LNX2: variants seen among roughly 807,000 people sequenced by gnomAD.
LNX2 encodes ligand of numb-protein X 2.
In LNX2, 35 loss-of-function variants were observed where a neutral mutation model predicts 66.2. The observed-to-expected ratio is 0.53, with a 90% CI of 0.40 to 0.70. The LOEUF is 0.70. Ranked by LOEUF, LNX2 falls within the 30% of genes least tolerant of loss-of-function variation. LNX2 has a pLI of 0.00. For missense variants in LNX2, 791 were observed against 850.8 expected, an observed-to-expected ratio of 0.93 and a Z score of 0.87; for synonymous variants, 337 against 315.6, an observed-to-expected ratio of 1.07 and a Z score of -0.72.
At chr13:27,550,708 G>GACACAC (rs112963516) in intron 8 of LNX2, among the ~76,000 whole-genome samples, 5 of 151,384 alleles carry the variant, frequency 3.3e-5, no homozygotes, top group African/African-American at 1.2e-4. Flanking sequence ...CCCAAGTGAA[G>GACACAC]ACACACACAC....
At chr13:27,577,446 G>T (rs1375591033) in intron 2 of LNX2, among the ~76,000 whole-genome samples, 1 of 151,898 alleles carries the variant, frequency 6.6e-6, no homozygotes, top group Non-Finnish European at 1.5e-5. Flanking sequence ...ATCATCTAAA[G>T]CAGGGTTGTC....
intron 1 of LNX2, among the ~76,000 whole-genome samples, chr13:27,601,908 T>G (rs1020536789): frequency 1.3e-5 from 2 of 152,154 alleles, no homozygotes; most frequent in Non-Finnish European, 2.9e-5. Flanking sequence ...TTCAACATTT[T>G]CAGGGTAAAC....
chr13:27,553,910 A>T (rs1307167033), intron 7 of LNX2, among the ~76,000 whole-genome samples: 1 of 152,250 alleles, frequency 6.6e-6, no homozygotes, highest in Non-Finnish European at 1.5e-5. Flanking sequence ...CAGGGCAAAC[A>T]TCAGAATATG....
At chr13:27,566,214 G>C (rs1297819712) in intron 4 of LNX2, among the ~76,000 whole-genome samples, 1 of 152,178 alleles carries the variant, frequency 6.6e-6, no homozygotes, top group Non-Finnish European at 1.5e-5. Flanking sequence ...GAATCAGTAT[G>C]GGGGAGAATG....
At chr13:27,579,322 T>C (rs950012575) in intron 2 of LNX2, among the ~76,000 whole-genome samples, 2 of 152,238 alleles carry the variant, frequency 1.3e-5, no homozygotes, top group African/African-American at 4.8e-5. Flanking sequence ...TTTACATTTA[T>C]ATACTCAGTA....
chr13:27,559,867 T>G lies in LNX2; in HGVS notation c.1343A>C (p.Tyr448Ser), dbSNP rs1339510568. The change falls in exon 6 of 10, where the codon TAT becomes TCT. Residue 448 changes from tyrosine (Y) to serine (S), a missense_variant. By Grantham distance (144) the Tyr-to-Ser change is moderately radical. Transcript: ENST00000316334. ...SSSQHHTPPP[Y>S]YSRPSSHKDL... ...CTTATGTGAGCTTGGTCTGCTATAATACGGTGGTGGTGTGTGGTGCTGGCT... is the reference window on the plus strand; with the variant it reads ...CTTATGTGAGCTTGGTCTGCTATAAGACGGTGGTGGTGTGTGGTGCTGGCT... The G allele has an allele frequency of 1.2e-6, 2 of 1,606,516 alleles. No individual in the cohort carries two copies. Among genetic ancestry groups the G allele is most frequent in the Non-Finnish European group, 8.5e-7 (1 of 1,175,018 alleles).
chr13:27,583,232 G>GTCCTCTCCAATATAACTT (rs1566124787), intron 1 of LNX2, among the ~76,000 whole-genome samples: 50 of 23,152 alleles, frequency 2.2e-3, no homozygotes, highest in African/African-American at 3.6e-3. Context: ...GTGTGTGTGT[G>GTCCTCTCCAATATAACTT]TGTGTGTGTG....
At chr13:27,558,219 C>G (rs1955086887) in intron 6 of LNX2, among the ~76,000 whole-genome samples, 1 of 151,124 alleles carries the variant, frequency 6.6e-6, no homozygotes. Flanking sequence ...GAGACCTTTA[C>G]TTTTCTGTAT....
intron 4 of LNX2, among the ~76,000 whole-genome samples, chr13:27,564,985 T>C (rs1266902186): frequency 6.6e-6 from 1 of 152,198 alleles, no homozygotes; most frequent in African/African-American, 2.4e-5. Flanking sequence ...CCTTTGTGAA[T>C]TCATTAATCA....
Position 27,581,692 on chromosome 13 carries a change from TG to T in LNX2, c.11del (p.Thr4LysfsTer16). 6.3e-7 allele frequency: 1 copy of T among 1,599,356 alleles called. No homozygotes were observed. Among genetic ancestry groups the T allele is most frequent in the Non-Finnish European group, 8.5e-7 (1 of 1,172,904 alleles). MGTTSDEMVSVEQT... is the reference protein window; with the variant it reads MGTXSDEMVSVEQT... ...GTTCCACAGACACCATCTCATCACT[TG>T]TTGTTCCCATTTTGAATCAATTCTG... is the stretch of plus-strand genomic sequence containing the variant. On this transcript the variant is annotated frameshift_variant, in exon 2 of 10. Transcript: ENST00000316334. LOFTEE classifies it high-confidence loss of function.
At chr13:27,565,725 A>T (rs760093011) in intron 4 of LNX2, among the ~76,000 whole-genome samples, 54 of 152,200 alleles carry the variant, frequency 3.5e-4, no homozygotes, top group Non-Finnish European at 6.6e-4. Context: ...ACTGTTTGAA[A>T]GCTCAGTCTG....
intron 1 of LNX2, among the ~76,000 whole-genome samples, chr13:27,608,797 T>TTTTTGTTTTG (rs58647987): frequency 0.39 from 58,361 of 150,868 alleles, 12,377 homozygotes; most frequent in Admixed American, 0.49. Context: ...TTCTTTGAGT[T>TTTTTGTTTTG]TTTTGTTTTG....
chr13:27,550,353 A>C lies in LNX2; in HGVS notation c.1917T>G (p.Ala639=). 6.2e-7 allele frequency: 1 copy of C among 1,613,418 alleles called. No homozygotes were observed. Among genetic ancestry groups the C allele is most frequent in the Non-Finnish European group, 8.5e-7 (1 of 1,179,728 alleles). Residue 639 remains alanine, a synonymous_variant, in exon 9 of 10, where the codon GCT becomes GCG. Transcript: ENST00000316334. ...CTCACTTTAATCTTCCATCATAATA[A>C]GCAGGAGTTCCCAAGACAATAGTTT... The part of the protein sequence containing the change: ...FIKTIVLGTP[A]YYDGRLKCGD...
At chr13:27,583,080 T>C (rs934678320) in intron 1 of LNX2, among the ~76,000 whole-genome samples, 3 of 151,786 alleles carry the variant, frequency 2.0e-5, no homozygotes, top group Non-Finnish European at 4.4e-5. Context: ...CCTGCCAAAA[T>C]TCAATTAAAC....
At position 27,556,271 on chromosome 13, in the gene LNX2, T is replaced by C. The variant is rs1955059336; in HGVS notation, c.1511A>G (p.His504Arg). Residue 504 changes from histidine (H) to arginine (R), a missense_variant, in exon 7 of 10, where the codon CAT (histidine) becomes CGT (arginine). Physicochemically the swap from His to Arg is conservative, Grantham distance 29. Transcript: ENST00000316334. Reference protein sequence around the residue: ...LPIFVTSVPPHGCLARDGRIK... With the variant: ...LPIFVTSVPPRGCLARDGRIK... ...TCTGCCATCTCGTGCAAGGCAGCCA[T>C]GGGGTGGCACACTGGTCACAAAGAT... 3 of 1,614,026 alleles carry C rather than the reference T, an allele frequency of 1.9e-6. No homozygotes were observed. Among genetic ancestry groups the C allele is most frequent in the Non-Finnish European group, 1.7e-6 (2 of 1,179,954 alleles).
chr13:27,557,322 T>C (rs1955074435), intron 6 of LNX2, among the ~76,000 whole-genome samples: 1 of 152,052 alleles, frequency 6.6e-6, no homozygotes, highest in Non-Finnish European at 1.5e-5. Context: ...TAACTTGTCC[T>C]GAATCATGTT....
intron 5 of LNX2, 93 bp downstream of exon 5, chr13:27,562,320 C>A: frequency 7.0e-7 from 1 of 1,420,516 alleles, no homozygotes; most frequent in East Asian, 2.3e-5. Flanking sequence ...TATAAAATGT[C>A]CCCTGAATTC....
At position 27,567,811 on chromosome 13, in the gene LNX2, T is replaced by G. The variant is rs1955225241; in HGVS notation, c.684A>C (p.Glu228Asp). 3.7e-6 allele frequency: 6 copies of G among 1,614,064 alleles called. No homozygotes were observed. The East Asian group carries it at 1.3e-4, about 36-fold the overall frequency. Residue 228 changes from glutamate (E) to aspartate (D), a missense_variant, in exon 4 of 10, where the codon GAA becomes GAC. Physicochemically the swap from Glu to Asp is conservative, Grantham distance 45. Coordinates refer to ENST00000316334, the MANE Select transcript of LNX2 (RefSeq NM_153371.4). ...DTTQQPLSLP[E>D]GEITTIEIHR... Reference sequence around the variant, plus strand: ...GAATTTCAATCGTGGTGATTTCTCCTTCTGGTAAACTAAGTGGCTGTTGTG... The same window carrying G: ...GAATTTCAATCGTGGTGATTTCTCCGTCTGGTAAACTAAGTGGCTGTTGTG...
At chr13:27,554,400 T>C (rs1566114993) in intron 7 of LNX2, among the ~76,000 whole-genome samples, 2 of 152,176 alleles carry the variant, frequency 1.3e-5, no homozygotes, top group African/African-American at 4.8e-5. Context: ...ATACCCATCA[T>C]TTCCCTTCCC....
Sources: gnomAD v4.1 joint callset for allele counts (sites outside exome capture counted in the v4.1 genomes callset) on GRCh38, gnomAD v4.1.1 for gene constraint, MANE v1.5 for transcripts, NCBI Gene and HGNC (gene_info 2026-07-23, HGNC 2026-07-21) for gene names.